Variants in CAPN15 observed in about 807,000 individuals in gnomAD.
CAPN15 encodes calpain-15.
A neutral mutation model predicts 97.9 loss-of-function variants in CAPN15; 53 were observed. The observed-to-expected ratio is 0.54, with a 90% CI of 0.43 to 0.68. The LOEUF (loss-of-function observed/expected upper bound fraction) is 0.68, where lower values mean the gene tolerates loss of function less well. Ranked by LOEUF, CAPN15 falls within the 30% of genes least tolerant of loss-of-function variation. The probability of loss-of-function intolerance (pLI) is 0.00; values close to 1 mark genes in which losing one functional copy is unlikely to be tolerated. For synonymous variants in CAPN15, 922 were observed against 722.5 expected, an observed-to-expected ratio of 1.28 and a Z score of -4.43; for missense variants, 1,592 against 1,589.8, an observed-to-expected ratio of 1.00 and a Z score of -0.02.
At chr16:536,208 C>A in intron 3 of CAPN15, 66 bp downstream of exon 3, 1 of 393,382 alleles carries the variant, frequency 2.5e-6, no homozygotes, top group Non-Finnish European at 3.5e-6. Flanking sequence ...TCCTCAGTGG[C>A]CCTGGACATG....
chr16:544,732 TCGC>T (rs1287483625), intron 3 of CAPN15, among the ~76,000 whole-genome samples: 14 of 34,024 alleles, frequency 4.1e-4, no homozygotes, highest in African/African-American at 1.3e-3. Flanking sequence ...CTCCCCCACG[TCGC>T]CTCCCCCACG....
intron 3 of CAPN15, chr16:537,218 G>T: frequency 1.0e-6 from 1 of 985,526 alleles, no homozygotes; most frequent in Non-Finnish European, 1.2e-6. Flanking sequence ...CTGTCCAGAT[G>T]GGGCCCACAG....
Position 552,430 on chromosome 16 carries a change from C to A in CAPN15, c.2637C>A (p.Phe879Leu), listed in dbSNP as rs148358614. 3 of 1,609,948 alleles carry A rather than the reference C, an allele frequency of 1.9e-6. No individual in the cohort carries two copies. Among genetic ancestry groups the A allele is most frequent in the South Asian group, 1.1e-5 (1 of 91,066 alleles). The change falls in exon 11 of 14, where the codon TTC becomes TTA. Residue 879 changes from phenylalanine to leucine, a missense_variant. Coordinates refer to ENST00000219611, the MANE Select transcript of CAPN15 (RefSeq NM_005632.3). The surrounding 1 kb of genome is among the most constrained non-coding windows in gnomAD (Gnocchi z 6.4). ...ACAGTAAGCGCGCGGTCAAGAAGTT[C>A]GTCAGCTGCGACGTCATGCTGGAGC... ...LAHSKRAVKK[F>L]VSCDVMLEPG...
rs548965578 is a variant in CAPN15 at position 535,002 on chromosome 16, C to T, written c.-137+1004C>T. Among the ~76,000 whole-genome samples the T allele has an allele frequency of 4.6e-5, 7 of 152,082 alleles. No homozygotes were observed. The highest frequency in any genetic ancestry group is 1.9e-4 in the East Asian group (1 of 5,184). On this transcript the variant is annotated intron_variant, in intron 2 of 13. Coordinates refer to ENST00000219611, the MANE Select transcript of CAPN15 (RefSeq NM_005632.3). The surrounding 1 kb of genome is among the most constrained non-coding windows in gnomAD (Gnocchi z 6.2). ...TACAGCCGTGTACATGATTAGTTAG[C>T]GAGACAGTGAGGAGTGTATGCGGAG... is the stretch of plus-strand genomic sequence containing the variant.
chr16:531,814 G>T (rs1250306105), intron 1 of CAPN15, among the ~76,000 whole-genome samples: 2 of 151,652 alleles, frequency 1.3e-5, no homozygotes, highest in Non-Finnish European at 2.9e-5. Flanking sequence ...TGTCCCAGAG[G>T]CTTCTGCTTG....
chr16:539,002 C>T (rs2033922306), intron 3 of CAPN15: 1 of 152,022 alleles, frequency 6.6e-6, no homozygotes, highest in East Asian at 1.9e-4. Context: ...GTGCTCACGC[C>T]ATCCTCCCAC....
Position 553,398 on chromosome 16 carries a change from G to A in CAPN15, c.3143G>A (p.Arg1048His), listed in dbSNP as rs772925585. Residue 1048 changes from arginine to histidine, a missense_variant, in exon 14 of 14, where the codon CGC becomes CAC. Arg to His is a conservative substitution (Grantham distance 29). Around this residue, in one of 3 missense-constraint regions of CAPN15, gnomAD observed 644 missense variants for 699.6 expected, o/e 0.92. Transcript: ENST00000219611. ...AACGCCGGCTTCTCTATCACCCACC[G>A]CCTGGCACATCGCAAGGCAGCCCAG... ...EGNAGFSITH[R>H]LAHRKAAQAF... The A allele has an allele frequency of 3.5e-5, 56 of 1,587,062 alleles. No individual in the cohort carries two copies. Among genetic ancestry groups the A allele is most frequent in the African/African-American group, 4.2e-5 (3 of 71,716 alleles).
chr16:544,167 C>T (rs1057145461), intron 3 of CAPN15, among the ~76,000 whole-genome samples: 2 of 152,178 alleles, frequency 1.3e-5, no homozygotes, highest in African/African-American at 2.4e-5. Context: ...GACTGCAGCC[C>T]AGCTCGAGGG....
chr16:552,719 C>T lies in CAPN15; in HGVS notation c.2852C>T (p.Thr951Met), dbSNP rs1034401682. ...MVEPVEAQPT[T>M]LADAIILLTE... Reference sequence around the variant, plus strand: ...GAGCCCGTGGAAGCCCAGCCGACCACGCTGGCCGACGCCATCATCCTGCTC... The same window carrying T: ...GAGCCCGTGGAAGCCCAGCCGACCATGCTGGCCGACGCCATCATCCTGCTC... The change falls in exon 12 of 14, where the codon ACG becomes ATG. Residue 951 changes from threonine (T) to methionine (M), a missense_variant. Physicochemically the swap from Thr to Met is moderately conservative, Grantham distance 81. This residue lies in a region of CAPN15 where 644 missense variants were observed against 699.6 expected (regional missense o/e 0.92). Transcript: ENST00000219611. The surrounding 1 kb of genome is among the most constrained non-coding windows in gnomAD (Gnocchi z 6.4). 5.1e-5 allele frequency: 78 copies of T among 1,544,374 alleles called. 1 individual carries two copies. The highest frequency in any genetic ancestry group is 1.2e-4 in the East Asian group (5 of 40,838).
chr16:533,532 G>C (rs1010647591), intron 1 of CAPN15, among the ~76,000 whole-genome samples: 1 of 152,198 alleles, frequency 6.6e-6, no homozygotes, highest in Non-Finnish European at 1.5e-5. Context: ...GCAGTGCCTG[G>C]GAAGCTCGGC....
chr16:529,564 G>A (rs960772070), intron 1 of CAPN15, among the ~76,000 whole-genome samples: 3 of 152,240 alleles, frequency 2.0e-5, no homozygotes, highest in Admixed American at 6.5e-5. Context: ...TCTGCTGCCC[G>A]GAAAATCCTC....
At position 547,747 on chromosome 16, in the gene CAPN15, G is replaced by A. The variant is rs762309437; in HGVS notation, c.909G>A (p.Thr303=). The A allele has an allele frequency of 9.3e-5, 149 of 1,606,986 alleles. 1 individual carries two copies. Among genetic ancestry groups the A allele is most frequent in the South Asian group, 3.6e-4 (33 of 90,700 alleles). ...TGAGTGTGCTGGAGGAAGAGGCCAC[G>A]GAGGGTGGCACCAGCCGCGTAGAGG... is the stretch of plus-strand genomic sequence containing the variant. ...KRLSVLEEEA[T]EGGTSRVEAG... is the part of the protein sequence containing the mutation. Residue 303 remains threonine (T), a synonymous_variant, in exon 4 of 14, where the codon ACG becomes ACA. Coordinates refer to ENST00000219611, the MANE Select transcript of CAPN15 (RefSeq NM_005632.3).
intron 4 of CAPN15, among the ~76,000 whole-genome samples, chr16:548,693 C>A (rs1330567665): frequency 5.9e-5 from 9 of 152,252 alleles, no homozygotes; most frequent in Non-Finnish European, 1.3e-4. Flanking sequence ...TGGGGCGCAG[C>A]CTGCACCCTC....
rs926279583 is a variant in CAPN15 at position 547,671 on chromosome 16, C to G, written c.833C>G (p.Ser278Trp). Residue 278 changes from serine to tryptophan, a missense_variant, in exon 4 of 14, where the codon TCG (serine) becomes TGG (tryptophan). Physicochemically the swap from Ser to Trp is radical, Grantham distance 177 (BLOSUM62 -3). Around this residue, in one of 3 missense-constraint regions of CAPN15, gnomAD observed 883 missense variants for 776.6 expected, o/e 1.14. Coordinates refer to ENST00000219611, the MANE Select transcript of CAPN15 (RefSeq NM_005632.3). ...SAGCRGAPQG[S>W]GWAGASRLAE... is the part of the protein sequence containing the mutation. ...GGCTGCAGGGGAGCCCCCCAGGGCT[C>G]GGGCTGGGCTGGGGCCTCCCGCCTA... is the stretch of plus-strand genomic sequence containing the variant. The G allele has an allele frequency of 2.5e-6, 4 of 1,581,692 alleles. No homozygotes were observed. In the South Asian group the frequency reaches 4.5e-5, roughly 18 times the overall value.
In CAPN15 at chr16:547,693, C is replaced by T. The variant is rs368756845; in HGVS notation, c.855C>T (p.Arg285=). The part of the protein sequence containing the change: ...PQGSGWAGAS[R]LAELLSGKRL... ...GCTCGGGCTGGGCTGGGGCCTCCCGCCTAGCAGAGTTGCTGTCTGGCAAGC... is the reference window on the plus strand; with the variant it reads ...GCTCGGGCTGGGCTGGGGCCTCCCGTCTAGCAGAGTTGCTGTCTGGCAAGC... The change falls in exon 4 of 14, where the codon CGC becomes CGT. Residue 285 remains arginine, a synonymous_variant. Coordinates refer to ENST00000219611, the MANE Select transcript of CAPN15 (RefSeq NM_005632.3). The T allele has an allele frequency of 2.2e-4, 352 of 1,595,694 alleles. No homozygotes were observed. Among genetic ancestry groups the T allele is most frequent in the Middle Eastern group, 1.5e-3 (9 of 6,018 alleles).
Position 552,735 on chromosome 16 carries a change from C to A in CAPN15, c.2868C>A (p.Ile956=), listed in dbSNP as rs1322700943. Residue 956 remains isoleucine, a synonymous_variant, in exon 12 of 14, where the codon ATC becomes ATA. Coordinates refer to ENST00000219611, the MANE Select transcript of CAPN15 (RefSeq NM_005632.3). This position sits in a 1 kb window ranked among gnomAD's most constrained non-coding sequence, Gnocchi z 6.4. ...EAQPTTLADA[I]ILLTESRGER... ...AGCCGACCACGCTGGCCGACGCCAT[C>A]ATCCTGCTCACCGAGAGCCGCGGAG... The A allele has an allele frequency of 6.5e-6, 10 of 1,544,140 alleles. No individual in the cohort carries two copies. Among genetic ancestry groups the A allele is most frequent in the Non-Finnish European group, 8.7e-6 (10 of 1,145,436 alleles).
At position 533,977 on chromosome 16, in the gene CAPN15, TG is replaced by T. The variant is rs1156507599; in HGVS notation, c.-155del. The T allele has an allele frequency of 5.1e-6, 5 of 985,376 alleles. No individual in the cohort carries two copies. Among genetic ancestry groups the T allele is most frequent in the Non-Finnish European group, 6.0e-6 (5 of 829,968 alleles). The allele number at this position is 985,376 out of a possible 1,614,324, so 61.0% of individuals were successfully genotyped here. On this transcript the variant is annotated 5_prime_UTR_variant, in exon 2 of 14. Coordinates refer to ENST00000219611, the MANE Select transcript of CAPN15 (RefSeq NM_005632.3). ...GCCCAGACGCGGCACAGAGAGGGCC[TG>T]GGAGCTTGCTGCAGCTTCAGGTGAG...
Position 548,209 on chromosome 16 carries a change from G to T in CAPN15, c.1371G>T (p.Met457Ile). 6.5e-7 allele frequency: 1 copy of T among 1,548,742 alleles called. No homozygotes were observed. The highest frequency in any genetic ancestry group is 2.0e-5 in the Admixed American group (1 of 49,566). The change falls in exon 4 of 14, where the codon ATG becomes ATT. Residue 457 changes from methionine (M) to isoleucine (I), a missense_variant. Physicochemically the swap from Met to Ile is conservative, Grantham distance 10. This residue lies in a region of CAPN15 where 883 missense variants were observed against 776.6 expected (regional missense o/e 1.14). Transcript: ENST00000219611. The part of the protein sequence containing the change: ...GAAPLRRRES[M>I]HVEQRRQTDE... The stretch of plus-strand genomic sequence containing the variant: ...CGCCCCTGAGGCGCAGGGAGAGCAT[G>T]CACGTGGAGCAGCGGCGGCAGACAG...
chr16:533,564 C>G (rs962184241), intron 1 of CAPN15, among the ~76,000 whole-genome samples: 1 of 152,208 alleles, frequency 6.6e-6, no homozygotes, highest in Non-Finnish European at 1.5e-5. Context: ...GCTGGTGCTG[C>G]TCTGCAGCCC....
Sources: gnomAD v4.1 joint callset for allele counts (sites outside exome capture counted in the v4.1 genomes callset) on GRCh38, gnomAD v4.1.1 for gene constraint, gnomAD v4.1.1 regional missense constraint, Gnocchi (gnomAD v3.1) non-coding constraint, MANE v1.5 for transcripts, NCBI Gene and HGNC (gene_info 2026-07-23, HGNC 2026-07-21) for gene names.